Variants in RYR2 observed in about 807,000 individuals in gnomAD.
RYR2 encodes ryanodine receptor 2.
A neutral mutation model predicts 601.1 loss-of-function variants in RYR2; 227 were observed. The observed-to-expected ratio is 0.38, with a 90% CI of 0.34 to 0.42. RYR2 has a LOEUF of 0.42. Ranked by LOEUF, RYR2 falls within the 10% of genes least tolerant of loss-of-function variation. RYR2 has a pLI of 1.00. For missense variants in RYR2, 4,646 were observed against 6,156.5 expected, an observed-to-expected ratio of 0.75 and a Z score of 8.21; for synonymous variants, 2,223 against 2,175.1, an observed-to-expected ratio of 1.02 and a Z score of -0.61.
chr1:237,770,077 GCCTTTCTTTTCA>G (rs1267713246), intron 84 of RYR2, among the ~76,000 whole-genome samples: 3 of 152,078 alleles, frequency 2.0e-5, no homozygotes, highest in African/African-American at 7.2e-5. Context: ...ACTAGGGGAC[GCCTTTCTTTTCA>G]CCTTTCTTTA....
chr1:237,365,604 A>C (rs374040734), intron 5 of RYR2, among the ~76,000 whole-genome samples: 79 of 152,360 alleles, frequency 5.2e-4, no homozygotes, highest in African/African-American at 1.2e-3. Context: ...GGGTTGGAAA[A>C]ATATTTAAAA....
chr1:237,627,684 G>A (rs1329683334), intron 40 of RYR2, 123 bp from the exon 41 acceptor site: 2 of 958,866 alleles, frequency 2.1e-6, no homozygotes, highest in Non-Finnish European at 3.0e-6. Flanking sequence ...AATATCTAGA[G>A]CCTTTTCAAG....
chr1:237,255,466 A>G (rs1470308938), intron 1 of RYR2, among the ~76,000 whole-genome samples: 20 of 152,194 alleles, frequency 1.3e-4, no homozygotes, highest in Admixed American at 1.3e-3. Context: ...AAGTTAAAAC[A>G]TTTCAGGACC....
At chr1:237,191,281 G>C (rs1220735457) in intron 1 of RYR2, among the ~76,000 whole-genome samples, 1 of 151,982 alleles carries the variant, frequency 6.6e-6, no homozygotes, top group Non-Finnish European at 1.5e-5. Context: ...ATAAGTTTCT[G>C]TGCCACTACC....
At chr1:237,751,975 A>G (rs2149248394) in intron 80 of RYR2, among the ~76,000 whole-genome samples, 1 of 152,358 alleles carries the variant, frequency 6.6e-6, no homozygotes, top group Non-Finnish European at 1.5e-5. Flanking sequence ...ATTTTGTAGC[A>G]CTTCAAACAA....
At chr1:237,787,591 C>CA (rs1657770266) in intron 91 of RYR2, among the ~76,000 whole-genome samples, 37 of 32,068 alleles carry the variant, frequency 1.2e-3, no homozygotes, top group South Asian at 0.01. Context: ...GACTCTGTCT[C>CA]AAAAACAAAA....
In RYR2 at chr1:237,402,751, C is replaced by CAAA. The variant is rs66566720; in HGVS notation, c.774-14293_774-14291dup. 6.9e-3 allele frequency among the ~76,000 whole-genome samples: 1,047 copies of CAAA among 151,284 alleles called. 8 individuals are homozygous for CAAA. The highest frequency in any genetic ancestry group is 0.041 in the Middle Eastern group (12 of 294). ...ACAACATAGTGAGATTTCATCCCTA[C>CAAA]AAAAAAATTGAAAAGCCAGATGTGG... On this transcript the variant is annotated intron_variant, in intron 10 of 104. Transcript: ENST00000366574.
chr1:237,483,628 A>G (rs569732369), intron 17 of RYR2, among the ~76,000 whole-genome samples: 1 of 152,354 alleles, frequency 6.6e-6, no homozygotes, highest in Non-Finnish European at 1.5e-5. Flanking sequence ...CTCTTCTGAA[A>G]GGATGATGGT....
chr1:237,553,868 T>G (rs1359458881), intron 27 of RYR2, among the ~76,000 whole-genome samples: 3 of 151,980 alleles, frequency 2.0e-5, no homozygotes, highest in Non-Finnish European at 4.4e-5. Flanking sequence ...ATATTGATCT[T>G]ATATCCTGTG....
intron 25 of RYR2, among the ~76,000 whole-genome samples, chr1:237,546,564 AGAG>A (rs766941077): frequency 6.6e-6 from 1 of 151,962 alleles, no homozygotes; most frequent in Non-Finnish European, 1.5e-5. Flanking sequence ...ATTTTTTAGT[AGAG>A]ATGGGGTTTT....
At chr1:237,649,114 C>T (rs1368459580) in intron 49 of RYR2, among the ~76,000 whole-genome samples, 1 of 152,122 alleles carries the variant, frequency 6.6e-6, no homozygotes, top group Non-Finnish European at 1.5e-5. Context: ...GGAGAATCTG[C>T]CATTATCAGC....
chr1:237,736,105 A>G (rs1469209501), intron 79 of RYR2, among the ~76,000 whole-genome samples: 1 of 152,188 alleles, frequency 6.6e-6, no homozygotes, highest in Non-Finnish European at 1.5e-5. Context: ...TGAATCACCA[A>G]ATTGTTTTTA....
At chr1:237,187,461 T>TTTTTC (rs1679490460) in intron 1 of RYR2, among the ~76,000 whole-genome samples, 1 of 147,738 alleles carries the variant, frequency 6.8e-6, no homozygotes, top group African/African-American at 2.5e-5. Context: ...TTTTTTTTTT[T>TTTTTC]TGAGACAAGT....
At chr1:237,135,330 A>C (rs539838597) in intron 1 of RYR2, among the ~76,000 whole-genome samples, 154 of 152,088 alleles carry the variant, frequency 1.0e-3, no homozygotes, top group Non-Finnish European at 1.6e-3. Context: ...ACAGATTCTA[A>C]AATCACACTG....
At chr1:237,704,216 G>A (rs912100190) in intron 66 of RYR2, among the ~76,000 whole-genome samples, 7 of 152,140 alleles carry the variant, frequency 4.6e-5, no homozygotes, top group African/African-American at 1.4e-4. Context: ...AAAGAAGTGT[G>A]GAAAGCTCAA....
At chr1:237,402,840 G>A (rs181633555) in intron 10 of RYR2, among the ~76,000 whole-genome samples, 413 of 11,536 alleles carry the variant, frequency 0.036, 1 homozygote, top group African/African-American at 0.064. Flanking sequence ...GGAGTACAGC[G>A]GTGAAATCAT....
intron 2 of RYR2, among the ~76,000 whole-genome samples, chr1:237,291,677 A>G (rs1251212906): frequency 6.6e-6 from 1 of 152,218 alleles, no homozygotes; most frequent in South Asian, 2.1e-4. Context: ...AAAGAAGCCA[A>G]TCTGAAAAAG....
chr1:237,208,964 A>ATATATATATATGTG (rs1558428001), intron 1 of RYR2, among the ~76,000 whole-genome samples: 13 of 104,584 alleles, frequency 1.2e-4, no homozygotes, highest in African/African-American at 4.2e-4. Flanking sequence ...ATATATATAT[A>ATATATATATATGTG]TATATATATA....
chr1:237,635,248 G>A lies in RYR2; in HGVS notation c.6792+256G>A, dbSNP rs547335091. Among the ~76,000 whole-genome samples the A allele has an allele frequency of 3.9e-5, 6 of 152,186 alleles. No homozygotes were observed. In the East Asian group the frequency reaches 9.6e-4, roughly 24 times the overall value. ...ATATAATTCTACTATACATTATATT[G>A]TAGTTAGAAGTTATGAAGAACAATA... On this transcript the variant is annotated intron_variant, in intron 44 of 104. Transcript: ENST00000366574.
Sources: gnomAD v4.1 joint callset for allele counts (sites outside exome capture counted in the v4.1 genomes callset) on GRCh38, gnomAD v4.1.1 for gene constraint, MANE v1.5 for transcripts, NCBI Gene and HGNC (gene_info 2026-07-23, HGNC 2026-07-21) for gene names.